RBFOX1: variants seen among roughly 807,000 people sequenced by gnomAD.
The protein encoded by RBFOX1 is RNA binding fox-1 homolog 1.
Under a neutral mutation model 57.7 loss-of-function variants are expected in RBFOX1, and 8 were observed. That is an observed-to-expected ratio of 0.14 (90% CI 0.08 to 0.25). The LOEUF is 0.25. RBFOX1 is among the 10% of genes least tolerant of loss of function. The pLI, the probability that RBFOX1 is intolerant of heterozygous loss-of-function variation, is 1.00. For synonymous variants in RBFOX1, 326 were observed against 222.4 expected, an observed-to-expected ratio of 1.47 and a Z score of -4.15; for missense variants, 611 against 548.5, an observed-to-expected ratio of 1.11 and a Z score of -1.14.
chr16:7,695,609 G>A (rs377708516), intron 14 of RBFOX1, among the ~76,000 whole-genome samples: 23 of 137,552 alleles, frequency 1.7e-4, no homozygotes, highest in Admixed American at 1.1e-3. Flanking sequence ...CAGAGACTGC[G>A]CCACTGCACT....
At chr16:5,473,456 A>T (rs1270843065) in intron 2 of RBFOX1, among the ~76,000 whole-genome samples, 1 of 152,050 alleles carries the variant, frequency 6.6e-6, no homozygotes, top group Non-Finnish European at 1.5e-5. Context: ...ATTCCTAATA[A>T]GCAGTACCTC....
intron 2 of RBFOX1, among the ~76,000 whole-genome samples, chr16:6,561,333 A>G (rs1272140368): frequency 2.0e-5 from 3 of 152,156 alleles, no homozygotes; most frequent in Non-Finnish European, 4.4e-5. Context: ...GCATTCCGTA[A>G]TACATATTTA....
intron 3 of RBFOX1, among the ~76,000 whole-genome samples, chr16:6,925,293 C>A (rs1422961031): frequency 6.7e-6 from 1 of 150,026 alleles, no homozygotes; most frequent in Non-Finnish European, 1.5e-5. Flanking sequence ...ATCACCATGC[C>A]CATTTAACTT....
At chr16:5,862,035 C>T in intron 3 of RBFOX1, among the ~76,000 whole-genome samples, 1 of 152,188 alleles carries the variant, frequency 6.6e-6, no homozygotes, top group African/African-American at 2.4e-5. Context: ...TTCTCTGTGT[C>T]TGGCCGAGGT....
chr16:5,396,781 A>G (rs944297604), intron 1 of RBFOX1, among the ~76,000 whole-genome samples: 5 of 152,240 alleles, frequency 3.3e-5, no homozygotes, highest in Admixed American at 2.6e-4. Context: ...TAGATGGAGC[A>G]TTTTATTATC....
intron 2 of RBFOX1, among the ~76,000 whole-genome samples, chr16:5,484,759 A>G (rs1048529804): frequency 5.9e-5 from 9 of 151,702 alleles, no homozygotes. Flanking sequence ...AAAAGTACAA[A>G]AAATTAGCCA....
intron 4 of RBFOX1, among the ~76,000 whole-genome samples, chr16:7,075,054 G>A (rs567318773): frequency 6.6e-6 from 1 of 152,186 alleles, no homozygotes; most frequent in Non-Finnish European, 1.5e-5. Flanking sequence ...AAGCGTAAAA[G>A]CAACATACGG....
At chr16:6,119,861 C>A (rs2096535529) in intron 1 of RBFOX1, among the ~76,000 whole-genome samples, 1 of 152,182 alleles carries the variant, frequency 6.6e-6, no homozygotes, top group South Asian at 2.1e-4. Context: ...TGTTATGCAA[C>A]CGCTACCTCT....
chr16:7,044,028 A>T (rs957196618), intron 3 of RBFOX1, among the ~76,000 whole-genome samples: 1 of 152,158 alleles, frequency 6.6e-6, no homozygotes, highest in African/African-American at 2.4e-5. Flanking sequence ...TCACTGTACA[A>T]ATGTTCTCTG....
At chr16:6,915,218 C>T (rs2072821318) in intron 3 of RBFOX1, among the ~76,000 whole-genome samples, 1 of 152,154 alleles carries the variant, frequency 6.6e-6, no homozygotes, top group Non-Finnish European at 1.5e-5. Context: ...CCTTGTTCTC[C>T]TAGCAGCTGG....
chr16:7,148,283 A>G lies in RBFOX1; in HGVS notation c.27+96185A>G, dbSNP rs115395467. ...CACACTCTGGCATGCTCTTGGTATTATTTACAAAGGAGTTTTCCTTTCAAT... is the reference window on the plus strand; with the variant it reads ...CACACTCTGGCATGCTCTTGGTATTGTTTACAAAGGAGTTTTCCTTTCAAT... On this transcript the variant is annotated intron_variant, in intron 4 of 15. Coordinates refer to ENST00000550418, the MANE Select transcript of RBFOX1 (RefSeq NM_018723.4). Among the ~76,000 whole-genome samples the G allele has an allele frequency of 4.4e-3, 674 of 152,280 alleles. 7 individuals are homozygous for G. The highest frequency in any genetic ancestry group is 0.015 in the African/African-American group (644 of 41,562).
chr16:6,172,518 A>G (rs1299448347), intron 1 of RBFOX1, among the ~76,000 whole-genome samples: 1 of 152,124 alleles, frequency 6.6e-6, no homozygotes, highest in African/African-American at 2.4e-5. Context: ...CCTCAACTTC[A>G]TGTCCTACAG....
chr16:5,360,559 G>A (rs1265651501), intron 1 of RBFOX1, among the ~76,000 whole-genome samples: 2 of 152,180 alleles, frequency 1.3e-5, no homozygotes, highest in African/African-American at 4.8e-5. Context: ...TGAGTGAATT[G>A]ATACTTTAAG....
intron 4 of RBFOX1, among the ~76,000 whole-genome samples, chr16:7,199,257 A>C (rs1478422098): frequency 1.3e-5 from 2 of 152,224 alleles, no homozygotes; most frequent in Non-Finnish European, 2.9e-5. Context: ...GATTTCCTTC[A>C]GTGTGATAAT....
At chr16:7,054,069 C>A (rs1232856289) in intron 4 of RBFOX1, among the ~76,000 whole-genome samples, 1 of 151,562 alleles carries the variant, frequency 6.6e-6, no homozygotes, top group Non-Finnish European at 1.5e-5. Flanking sequence ...ATATTTTCTT[C>A]TGCCCTCTTC....
At chr16:6,750,081 G>A (rs1312472059) in intron 3 of RBFOX1, among the ~76,000 whole-genome samples, 1 of 152,150 alleles carries the variant, frequency 6.6e-6, no homozygotes, top group Non-Finnish European at 1.5e-5. Context: ...GATTTCAGTC[G>A]AGGTGTATAG....
At chr16:5,710,109 G>A (rs1446651523) in intron 3 of RBFOX1, among the ~76,000 whole-genome samples, 1 of 151,422 alleles carries the variant, frequency 6.6e-6, no homozygotes, top group Non-Finnish European at 1.5e-5. Flanking sequence ...CAGGTTATCT[G>A]AAGATGCATG....
At chr16:6,051,085 G>A (rs1217041220) in intron 1 of RBFOX1, among the ~76,000 whole-genome samples, 1 of 150,070 alleles carries the variant, frequency 6.7e-6, no homozygotes, top group Non-Finnish European at 1.5e-5. Flanking sequence ...CTGTTAGGTT[G>A]GTACAAAAGT....
intron 13 of RBFOX1, among the ~76,000 whole-genome samples, chr16:7,674,585 A>AATAAT (rs1461906281): frequency 6.6e-6 from 1 of 152,204 alleles, no homozygotes; most frequent in Non-Finnish European, 1.5e-5. Flanking sequence ...TAAAGTCATA[A>AATAAT]ATAATATCAG....
Sources: gnomAD v4.1 joint callset for allele counts (sites outside exome capture counted in the v4.1 genomes callset) on GRCh38, gnomAD v4.1.1 for gene constraint, MANE v1.5 for transcripts, NCBI Gene and HGNC (gene_info 2026-07-23, HGNC 2026-07-21) for gene names.